Variants in PDE8A observed in about 807,000 individuals in gnomAD.
PDE8A encodes high affinity cAMP-specific and IBMX-insensitive 3',5'-cyclic phosphodiesterase 8A.
PDE8A carries 59 observed loss-of-function variants against 105.0 expected under a neutral mutation model. The ratio of observed to expected loss-of-function variants is 0.56; its 90% CI spans 0.46 to 0.70. The LOEUF (loss-of-function observed/expected upper bound fraction) is 0.70. Among genes scored for constraint, PDE8A ranks in the 30% least tolerant of loss-of-function variants. The pLI is 0.00. For synonymous variants in PDE8A, 355 were observed against 371.9 expected (o/e 0.95, Z 0.52); for missense variants, 1,014 against 1,045.9 (o/e 0.97, Z 0.42).
At chr15:85,078,750 G>A (rs922052387) in intron 5 of PDE8A, among the ~76,000 whole-genome samples, 1 of 152,078 alleles carries the variant, frequency 6.6e-6, no homozygotes, top group African/African-American at 2.4e-5. Flanking sequence ...CCAGGTGGAA[G>A]GTCTGAAATG....
chr15:85,001,239 A>G (rs185982988), intron 1 of PDE8A, among the ~76,000 whole-genome samples: 1 of 152,252 alleles, frequency 6.6e-6, no homozygotes, highest in East Asian at 1.9e-4. Flanking sequence ...TTTCTTCCCA[A>G]TTTAATCAGT....
intron 1 of PDE8A, among the ~76,000 whole-genome samples, chr15:85,020,872 T>C (rs575202022): frequency 6.6e-6 from 1 of 152,314 alleles, no homozygotes; most frequent in African/African-American, 2.4e-5. Context: ...TTCTCTATTA[T>C]CAATACTGTT....
chr15:84,994,120 T>A (rs1023147627), intron 1 of PDE8A, among the ~76,000 whole-genome samples: 1 of 152,210 alleles, frequency 6.6e-6, no homozygotes, highest in African/African-American at 2.4e-5. Context: ...AGCTCAATAT[T>A]TTAAGTCACG....
At chr15:85,004,022 T>A (rs2080106650) in intron 1 of PDE8A, among the ~76,000 whole-genome samples, 1 of 152,226 alleles carries the variant, frequency 6.6e-6, no homozygotes, top group African/African-American at 2.4e-5. Context: ...AAGTGGTCCA[T>A]GTCAGATTAC....
At chr15:85,006,269 T>G (rs1023204294) in intron 1 of PDE8A, among the ~76,000 whole-genome samples, 3 of 151,920 alleles carry the variant, frequency 2.0e-5, no homozygotes, top group African/African-American at 7.3e-5. Flanking sequence ...ATTATTATTA[T>G]AATAATAATA....
At chr15:85,089,952 A>G (rs1447333964) in intron 7 of PDE8A, among the ~76,000 whole-genome samples, 3 of 152,272 alleles carry the variant, frequency 2.0e-5, no homozygotes, top group Admixed American at 6.5e-5. Context: ...ATGTTTTCAG[A>G]TAACAGCAAA....
At chr15:85,032,639 A>G (rs192727985) in intron 1 of PDE8A, among the ~76,000 whole-genome samples, 1 of 152,256 alleles carries the variant, frequency 6.6e-6, no homozygotes, top group East Asian at 1.9e-4. Flanking sequence ...GTGTCTTATG[A>G]TACTCTTAGT....
chr15:85,026,785 A>G (rs777494839), intron 1 of PDE8A, among the ~76,000 whole-genome samples: 10 of 152,152 alleles, frequency 6.6e-5, no homozygotes, highest in Non-Finnish European at 1.2e-4. Context: ...ACAAAACAAA[A>G]CAAAAAAACT....
At chr15:85,061,509 G>A (rs1400878703) in intron 1 of PDE8A, among the ~76,000 whole-genome samples, 1 of 152,078 alleles carries the variant, frequency 6.6e-6, no homozygotes, top group Non-Finnish European at 1.5e-5. Context: ...CAAAGTGCTG[G>A]GATTACAGGC....
chr15:85,043,031 A>T (rs1301937357), intron 1 of PDE8A, among the ~76,000 whole-genome samples: 1 of 152,246 alleles, frequency 6.6e-6, no homozygotes, highest in Non-Finnish European at 1.5e-5. Context: ...TGGCCTTTGC[A>T]GTCAGGATGC....
chr15:85,082,769 A>G (rs1244976904), intron 5 of PDE8A, among the ~76,000 whole-genome samples: 2 of 152,196 alleles, frequency 1.3e-5, no homozygotes, highest in African/African-American at 4.8e-5. Flanking sequence ...TGGGGGAGTA[A>G]TGTTCACAAA....
chr15:85,071,546 C>T (rs1055277617), intron 3 of PDE8A, among the ~76,000 whole-genome samples: 1 of 152,208 alleles, frequency 6.6e-6, no homozygotes, highest in East Asian at 1.9e-4. Flanking sequence ...TGCATCAGTT[C>T]TCAGGTTCAG....
Position 85,138,205 on chromosome 15 carries a change from G to A in PDE8A, c.*302G>A. 3.8e-6 allele frequency: 1 copy of A among 261,298 alleles called. No homozygotes were observed. The allele number at this position is 261,298 out of a possible 1,614,324, so 16.2% of individuals were successfully genotyped here. On this transcript the variant is annotated 3_prime_UTR_variant, in exon 22 of 22. Coordinates refer to ENST00000394553, the MANE Select transcript of PDE8A (RefSeq NM_002605.3). The stretch of plus-strand genomic sequence containing the variant: ...AAGGTCTGGAGTGCCCCTGCAAAGG[G>A]TATTGATGGACTTCCTGCCAGTGAC...
At chr15:84,983,341 A>C (rs2079750955) in intron 1 of PDE8A, among the ~76,000 whole-genome samples, 1 of 152,204 alleles carries the variant, frequency 6.6e-6, no homozygotes, top group South Asian at 2.1e-4. Flanking sequence ...CCAGTTTTTG[A>C]AAGAGTAATT....
Position 85,115,505 on chromosome 15 carries a change from A to T in PDE8A, c.1399+18A>T, listed in dbSNP as rs780844614. On this transcript the variant is annotated intron_variant, in intron 15 of 21. Transcript: ENST00000394553. ...AACAAAAAGTAAGTTTTTCCTTTTTAATTTCTTAGATCACTGTCTATAATA... is the reference window on the plus strand; with the variant it reads ...AACAAAAAGTAAGTTTTTCCTTTTTTATTTCTTAGATCACTGTCTATAATA... 3 of 1,329,906 alleles carry T rather than the reference A, an allele frequency of 2.3e-6. No individual in the cohort carries two copies. In the East Asian group the frequency reaches 7.4e-5, roughly 33 times the overall value. The allele number at this position is 1,329,906 out of a possible 1,614,324, so 82.4% of individuals were successfully genotyped here. A position where few individuals can be genotyped will look rare whatever the true frequency, so the allele number is the denominator to read the frequency against.
intron 1 of PDE8A, among the ~76,000 whole-genome samples, chr15:85,052,081 T>C (rs2080984604): frequency 6.6e-6 from 1 of 152,180 alleles, no homozygotes; most frequent in Admixed American, 6.5e-5. Flanking sequence ...TGTTTGGTTT[T>C]CTGTCCTTGC....
At chr15:85,099,008 T>C (rs1237757714) in intron 9 of PDE8A, among the ~76,000 whole-genome samples, 1 of 151,368 alleles carries the variant, frequency 6.6e-6, no homozygotes, top group Non-Finnish European at 1.5e-5. Context: ...CAATGTTAAA[T>C]GCAAAAAGTA....
chr15:85,006,316 A>T (rs1176064620), intron 1 of PDE8A, among the ~76,000 whole-genome samples: 1 of 152,202 alleles, frequency 6.6e-6, no homozygotes, highest in Non-Finnish European at 1.5e-5. Flanking sequence ...TTTCAGAGGG[A>T]CAAGGTTCTG....
At chr15:85,061,598 A>G (rs973392503) in intron 1 of PDE8A, among the ~76,000 whole-genome samples, 1 of 152,056 alleles carries the variant, frequency 6.6e-6, no homozygotes, top group African/African-American at 2.4e-5. Flanking sequence ...ATGTGTCTTG[A>G]TATGGGTCTC....
Sources: gnomAD v4.1 joint callset for allele counts (sites outside exome capture counted in the v4.1 genomes callset) on GRCh38, gnomAD v4.1.1 for gene constraint, MANE v1.5 for transcripts, NCBI Gene and HGNC (gene_info 2026-07-23, HGNC 2026-07-21) for gene names.